Variants in LMO7 observed in about 807,000 individuals in gnomAD.
LMO7 encodes the protein LIM domain only protein 7.
In LMO7, 120 loss-of-function variants were observed where a neutral mutation model predicts 206.5. The observed-to-expected ratio is 0.58, with a 90% CI of 0.50 to 0.68. The LOEUF is 0.68. Ranked by LOEUF, LMO7 falls within the 30% of genes least tolerant of loss-of-function variation. The probability of loss-of-function intolerance (pLI) is 0.00; values close to 1 mark genes in which losing one functional copy is unlikely to be tolerated. For synonymous variants in LMO7, 706 were observed against 681.5 expected (o/e 1.04, Z -0.56); for missense variants, 1,959 against 1,957.9 (o/e 1.00, Z -0.01).
chr13:75,774,231 A>G (rs777242569), intron 4 of LMO7, among the ~76,000 whole-genome samples: 6 of 151,216 alleles, frequency 4.0e-5, no homozygotes, highest in Non-Finnish European at 8.8e-5. Context: ...TCAACCTCTT[A>G]CCTGAACTCT....
upstream of LMO7, among the ~76,000 whole-genome samples, chr13:75,634,884 T>G (rs530651790): frequency 6.6e-6 from 1 of 152,024 alleles, no homozygotes; most frequent in East Asian, 1.9e-4. Context: ...TGGGCGCCTG[T>G]AATCCCAGCT....
chr13:75,760,835 A>G, intron 3 of LMO7, 97 bp from the exon 4 acceptor site: 1 of 1,564,712 alleles, frequency 6.4e-7, no homozygotes. Flanking sequence ...GCTGACTGTA[A>G]TTGGACTTTG....
intron 17 of LMO7, 45 bp from the exon 18 acceptor site, chr13:75,835,188 G>T (rs201904439): frequency 3.1e-6 from 5 of 1,603,106 alleles, no homozygotes; most frequent in African/African-American, 1.3e-5. Context: ...CCATTTATAC[G>T]GCATAAAACC....
chr13:75,652,957 G>C lies in LMO7; in HGVS notation c.69+16231G>C, dbSNP rs144369628. On this transcript the variant is annotated intron_variant, in intron 1 of 30. Transcript: ENST00000377534. ...ATTCAAATTCCTGCCATATGTTCCA[G>C]TATCTGTACAAGTAGTCATGATAAA... Among the ~76,000 whole-genome samples the C allele has an allele frequency of 8.5e-4, 130 of 152,174 alleles. 1 individual carries two copies. In the East Asian group the frequency reaches 0.017, roughly 20 times the overall value.
intron 1 of LMO7, among the ~76,000 whole-genome samples, chr13:75,639,511 G>A (rs184024937): frequency 4.6e-5 from 7 of 152,312 alleles, no homozygotes; most frequent in Admixed American, 4.6e-4. Context: ...TGGTTTCAAG[G>A]CAAAGGCAGA....
intron 1 of LMO7, among the ~76,000 whole-genome samples, chr13:75,704,717 A>G (rs2042527628): frequency 6.6e-6 from 1 of 152,162 alleles, no homozygotes; most frequent in Non-Finnish European, 1.5e-5. Context: ...AAGCTCCCAG[A>G]ATGTTTGGGA....
intron 1 of LMO7, among the ~76,000 whole-genome samples, chr13:75,673,152 A>G (rs1029681750): frequency 2.0e-5 from 3 of 152,182 alleles, no homozygotes; most frequent in East Asian, 1.9e-4. Context: ...CAACGGGTCT[A>G]TTTTAACTGT....
Position 75,817,234 on chromosome 13 carries a change from A to G in LMO7, c.2020A>G (p.Lys674Glu), listed in dbSNP as rs754630366. Reference sequence around the variant, plus strand: ...TCAGCTGCGTTACGAGGAGATGCAGAAAATAAAATCACAATTAAAAGAACA... The same window carrying G: ...TCAGCTGCGTTACGAGGAGATGCAGGAAATAAAATCACAATTAAAAGAACA... ...LRQLRYEEMQ[K>E]IKSQLKEQDQ... The change falls in exon 12 of 31, where the codon AAA (lysine) becomes GAA (glutamate). Residue 674 changes from lysine to glutamate, a missense_variant. By Grantham distance (56) the Lys-to-Glu change is moderately conservative. Coordinates refer to ENST00000377534, the MANE Select transcript of LMO7 (RefSeq NM_001306080.2). 3.1e-6 allele frequency: 5 copies of G among 1,613,668 alleles called. No homozygotes were observed. The South Asian group carries it at 4.4e-5, about 14-fold the overall frequency.
Position 75,840,490 on chromosome 13 carries a change from C to T in LMO7, c.3577C>T (p.Leu1193=), listed in dbSNP as rs2059477265. ...GTGGCAGAAGGAGCAGGACCGCCTA[C>T]TGCAGGTAGCTCTGGCTCACGTGGA... ...ERWQKEQDRL[L]QEKYQREQEK... The change falls in exon 22 of 31, where the codon CTG becomes TTG. Residue 1193 remains leucine, a synonymous_variant. Transcript: ENST00000377534. 2 of 1,613,768 alleles carry T rather than the reference C, an allele frequency of 1.2e-6. No homozygotes were observed. Among genetic ancestry groups the T allele is most frequent in the Non-Finnish European group, 1.7e-6 (2 of 1,179,862 alleles).
chr13:75,670,966 C>CTTTTTT lies in LMO7; in HGVS notation c.69+34252_69+34257dup, dbSNP rs552236505. 1.5e-3 allele frequency among the ~76,000 whole-genome samples: 152 copies of CTTTTTT among 100,084 alleles called. 6 individuals carry two copies. Among genetic ancestry groups the CTTTTTT allele is most frequent in the African/African-American group, 3.2e-3 (88 of 27,888 alleles). 65.7% of individuals were successfully genotyped at this position (100,084 alleles called of 152,430 possible). On this transcript the variant is annotated intron_variant, in intron 1 of 30. Coordinates refer to ENST00000377534, the MANE Select transcript of LMO7 (RefSeq NM_001306080.2). Reference sequence around the variant, plus strand: ...TACCTTTTTTTTTTAATGTTTAAAACTTTTTTTTTTTTTTTTTACTATTTA... The same window carrying CTTTTTT: ...TACCTTTTTTTTTTAATGTTTAAAACTTTTTTTTTTTTTTTTTTTTTTTACTATTTA...
At chr13:75,833,589 C>G (rs151132079) in intron 16 of LMO7, among the ~76,000 whole-genome samples, 14 of 152,174 alleles carry the variant, frequency 9.2e-5, no homozygotes, top group African/African-American at 3.4e-4. Flanking sequence ...CAGGGTGCTT[C>G]AGGACTTCTG....
At chr13:75,854,063 A>G (rs945716125) in intron 28 of LMO7, among the ~76,000 whole-genome samples, 3 of 152,190 alleles carry the variant, frequency 2.0e-5, no homozygotes, top group Non-Finnish European at 4.4e-5. Context: ...ATGTGGAGTG[A>G]AGCTCAGATA....
chr13:75,786,219 T>G (rs1478008461), intron 4 of LMO7, among the ~76,000 whole-genome samples: 1 of 152,142 alleles, frequency 6.6e-6, no homozygotes, highest in Non-Finnish European at 1.5e-5. Context: ...TGATATAAAG[T>G]GTCTGTGTCT....
intron 3 of LMO7, among the ~76,000 whole-genome samples, chr13:75,753,043 C>T (rs934435378): frequency 6.6e-6 from 1 of 152,208 alleles, no homozygotes; most frequent in Admixed American, 6.5e-5. Flanking sequence ...AATTTACATT[C>T]CCACCAGCAG....
chr13:75,726,930 T>C, intron 2 of LMO7, 99 bp from the exon 3 acceptor site: 1 of 716,946 alleles, frequency 1.4e-6, no homozygotes, highest in Non-Finnish European at 2.6e-6. Flanking sequence ...TATAACACAT[T>C]GAGGGGAGGG....
chr13:75,668,069 G>T (rs369269769), intron 1 of LMO7, among the ~76,000 whole-genome samples: 2 of 152,112 alleles, frequency 1.3e-5, no homozygotes, highest in South Asian at 4.1e-4. Context: ...TGAGCTGGGC[G>T]TGGTGGTGCA....
At chr13:75,629,022 A>C (rs1012521643) in intron 2 of LMO7, among the ~76,000 whole-genome samples, 4 of 152,184 alleles carry the variant, frequency 2.6e-5, no homozygotes, top group Non-Finnish European at 5.9e-5. Flanking sequence ...CGGTGTCTGG[A>C]AACGTTTTTG....
Position 75,726,300 on chromosome 13 carries a change from C to T in LMO7, c.141-729C>T, listed in dbSNP as rs554169350. On this transcript the variant is annotated intron_variant, in intron 2 of 30. Transcript: ENST00000377534. ...AATAATCTAGATTTAGAAGCAAAAT[C>T]GTACTCAAGTTTCAGTTGTCAAAGC... 3.9e-5 allele frequency among the ~76,000 whole-genome samples: 6 copies of T among 152,074 alleles called. No individual in the cohort carries two copies. In the South Asian group the frequency reaches 1.2e-3, roughly 32 times the overall value.
At chr13:75,730,162 T>G (rs2044992880) in intron 3 of LMO7, among the ~76,000 whole-genome samples, 1 of 152,148 alleles carries the variant, frequency 6.6e-6, no homozygotes, top group South Asian at 2.1e-4. Flanking sequence ...TAGGGAGGAT[T>G]CCCTCTTTTT....
Sources: allele counts gnomAD v4.1 joint callset (sites outside exome capture counted in the v4.1 genomes callset), GRCh38; gene constraint gnomAD v4.1.1; transcripts MANE v1.5; gene names NCBI Gene and HGNC (gene_info 2026-07-23, HGNC 2026-07-21).